Variants in EML6 observed in about 807,000 individuals in gnomAD.
EML6 encodes the protein EMAP like 6.
A neutral mutation model predicts 240.1 loss-of-function variants in EML6; 154 were observed. The ratio of observed to expected loss-of-function variants is 0.64; its 90% CI spans 0.56 to 0.73. EML6 has a LOEUF of 0.73. EML6 is among the 30% of genes least tolerant of loss of function. The pLI, the probability that EML6 is intolerant of heterozygous loss-of-function variation, is 0.00. For synonymous variants in EML6, 1,148 were observed against 899.0 expected (o/e 1.28, Z -4.95); for missense variants, 2,964 against 2,474.6 (o/e 1.20, Z -4.20).
At chr2:54,957,250 G>C (rs568611551) in intron 32 of EML6, among the ~76,000 whole-genome samples, 9 of 151,604 alleles carry the variant, frequency 5.9e-5, no homozygotes, top group African/African-American at 2.2e-4. Flanking sequence ...TAAATAAATG[G>C]GGTTAAGGAA....
Position 54,964,883 on chromosome 2 carries a change from T to G in EML6, c.5493+150T>G. 7.6e-6 allele frequency: 5 copies of G among 660,156 alleles called. No individual in the cohort carries two copies. The South Asian group carries it at 1.3e-4, about 17-fold the overall frequency. The allele number at this position is 660,156 out of a possible 1,614,324, so 40.9% of individuals were successfully genotyped here. On this transcript the variant is annotated intron_variant, in intron 38 of 41. Coordinates refer to ENST00000356458, the MANE Select transcript of EML6 (RefSeq NM_001039753.4). ...CTTAAGTAGTTACTTTTTCCATATT[T>G]TATAAATGTAGAAACAGAGGCTTAG...
intron 10 of EML6, chr2:54,850,445 G>A (rs2103746126): frequency 2.0e-6 from 1 of 489,780 alleles, no homozygotes; most frequent in Non-Finnish European, 3.7e-6. Context: ...ACTAAAAGTT[G>A]CTGCACAACA....
chr2:54,790,549 T>A (rs1669379378), intron 2 of EML6, among the ~76,000 whole-genome samples: 1 of 152,134 alleles, frequency 6.6e-6, no homozygotes, highest in Non-Finnish European at 1.5e-5. Context: ...CATTCTTGTA[T>A]CATTCAGATA....
intron 14 of EML6, chr2:54,868,638 CTG>C (rs1273384302): frequency 6.6e-6 from 1 of 152,250 alleles, no homozygotes; most frequent in Non-Finnish European, 1.5e-5. Context: ...CATTAAGTCT[CTG>C]TACAATTTTG....
intron 2 of EML6, among the ~76,000 whole-genome samples, chr2:54,779,865 G>GA (rs3036161): frequency 0.21 from 23,212 of 113,086 alleles, 1,834 homozygotes; most frequent in Admixed American, 0.26. Context: ...CAAAAAAAAA[G>GA]AAAAAAAAAA....
At chr2:54,726,610 G>A (rs1371257115) in intron 2 of EML6, among the ~76,000 whole-genome samples, 2 of 152,160 alleles carry the variant, frequency 1.3e-5, no homozygotes, top group African/African-American at 4.8e-5. Flanking sequence ...TGTCACGTAT[G>A]ACACAAATAG....
At chr2:54,843,241 C>G (rs1235019485) in intron 7 of EML6, among the ~76,000 whole-genome samples, 1 of 151,912 alleles carries the variant, frequency 6.6e-6, no homozygotes, top group Non-Finnish European at 1.5e-5. Flanking sequence ...AGCCTGGGCA[C>G]CACATAGCAA....
intron 17 of EML6, among the ~76,000 whole-genome samples, chr2:54,889,587 A>G (rs1202748923): frequency 6.6e-6 from 1 of 151,610 alleles, no homozygotes; most frequent in Non-Finnish European, 1.5e-5. Flanking sequence ...ATATTTTTCA[A>G]CCAGTCACTG....
At chr2:54,859,504 A>T (rs1443980847) in intron 11 of EML6, 30 bp from the exon 12 acceptor site, 1 of 1,533,198 alleles carries the variant, frequency 6.5e-7, no homozygotes, top group Non-Finnish European at 8.8e-7. Flanking sequence ...CTTTTTTCAT[A>T]ACTAATCCTC....
chr2:54,821,317 A>G (rs984580902), intron 5 of EML6, among the ~76,000 whole-genome samples: 2 of 152,190 alleles, frequency 1.3e-5, no homozygotes, highest in Non-Finnish European at 2.9e-5. Context: ...AGAGGATAAA[A>G]TACTCAAATA....
chr2:54,859,000 A>G (rs1432163488), intron 11 of EML6, among the ~76,000 whole-genome samples: 1 of 152,184 alleles, frequency 6.6e-6, no homozygotes, highest in East Asian at 1.9e-4. Flanking sequence ...TGAAGGCTTT[A>G]CTACTGTAGT....
chr2:54,957,866 G>C lies in EML6; in HGVS notation c.4563G>C (p.Gln1521His). ...VVEFRPDSDT[Q>H]FVSVGVKHMK... ...AATTTCGCCCCGACTCAGACACGCA[G>C]TTTGTATCTGTCGGGGTCAAACATA... Residue 1521 changes from glutamine (Q) to histidine (H), a missense_variant, in exon 33 of 42, where the codon CAG (glutamine) becomes CAC (histidine). Physicochemically the swap from Gln to His is conservative, Grantham distance 24. Transcript: ENST00000356458. 2 of 1,551,348 alleles carry C rather than the reference G, an allele frequency of 1.3e-6. No homozygotes were observed. The highest frequency in any genetic ancestry group is 1.7e-6 in the Non-Finnish European group (2 of 1,147,006).
At chr2:54,963,002 TG>T (rs551460110) in intron 36 of EML6, among the ~76,000 whole-genome samples, 24 of 152,164 alleles carry the variant, frequency 1.6e-4, no homozygotes, top group Non-Finnish European at 3.4e-4. Context: ...AAATGTGAAA[TG>T]TTCTGAAATG....
intron 30 of EML6, among the ~76,000 whole-genome samples, chr2:54,951,511 C>CTCCA (rs2104489760): frequency 6.6e-6 from 1 of 151,450 alleles, no homozygotes; most frequent in South Asian, 2.1e-4. Flanking sequence ...CGCCATTGCA[C>CTCCA]TCCAGCCTGA....
intron 28 of EML6, among the ~76,000 whole-genome samples, chr2:54,940,521 A>G (rs555125408): frequency 1.3e-5 from 2 of 152,310 alleles, no homozygotes; most frequent in South Asian, 4.1e-4. Flanking sequence ...TACTGTACCT[A>G]TCATGGGACC....
intron 2 of EML6, among the ~76,000 whole-genome samples, chr2:54,768,990 C>G (rs1264278633): frequency 6.6e-6 from 1 of 152,132 alleles, no homozygotes; most frequent in African/African-American, 2.4e-5. Flanking sequence ...AAGATTTTGT[C>G]TGTATGAGTT....
intron 2 of EML6, among the ~76,000 whole-genome samples, chr2:54,740,109 A>G (rs918526956): frequency 6.6e-6 from 1 of 152,080 alleles, no homozygotes. Context: ...ATTTAGATTG[A>G]GGTGTCTGTG....
chr2:54,854,075 T>A (rs1670239164), intron 11 of EML6, among the ~76,000 whole-genome samples: 1 of 152,250 alleles, frequency 6.6e-6, no homozygotes. Context: ...AATTTGCTAA[T>A]AGAGTTATTA....
intron 6 of EML6, among the ~76,000 whole-genome samples, chr2:54,828,017 C>T (rs1057391584): frequency 6.6e-6 from 1 of 152,214 alleles, no homozygotes; most frequent in African/African-American, 2.4e-5. Flanking sequence ...ACTAGCTCAT[C>T]AGATTCATCT....
Sources: allele counts gnomAD v4.1 joint callset (sites outside exome capture counted in the v4.1 genomes callset), GRCh38; gene constraint gnomAD v4.1.1; transcripts MANE v1.5; gene names NCBI Gene and HGNC (gene_info 2026-07-23, HGNC 2026-07-21).